Variants in CPAMD8 observed in about 807,000 individuals in gnomAD.
CPAMD8 encodes C3 and PZP-like alpha-2-macroglobulin domain-containing protein 8.
In CPAMD8, 146 loss-of-function variants were observed where a neutral mutation model predicts 224.7. The observed-to-expected ratio is 0.65, with a 90% CI of 0.57 to 0.75. CPAMD8 has a LOEUF of 0.75. Among genes scored for constraint, CPAMD8 ranks in the 30% least tolerant of loss-of-function variants. The pLI, the probability that CPAMD8 is intolerant of heterozygous loss-of-function variation, is 0.00. For missense variants in CPAMD8, 2,301 were observed against 2,537.5 expected, an observed-to-expected ratio of 0.91 and a Z score of 2.00; for synonymous variants, 966 against 1,044.6, an observed-to-expected ratio of 0.92 and a Z score of 1.45.
intron 13 of CPAMD8, among the ~76,000 whole-genome samples, chr19:16,984,335 A>G (rs1409564901): frequency 2.8e-5 from 4 of 143,514 alleles, no homozygotes; most frequent in Non-Finnish European, 6.0e-5. Flanking sequence ...AAAAAAAGAG[A>G]GAGAGAGAGA....
rs377227939 is a variant in CPAMD8, at chr19:16,952,204, C to A, written c.2277-4G>T. ...TGTCCCCTCACCAGATGGGTCACTG[C>A]GGAGAGACAGACAGCCATGATGGGG... On this transcript the variant is annotated splice_region_variant and splice_polypyrimidine_tract_variant and intron_variant, in intron 19 of 41. Coordinates refer to ENST00000443236, the MANE Select transcript of CPAMD8 (RefSeq NM_015692.5). 135 of 1,482,754 alleles carry A rather than the reference C, an allele frequency of 9.1e-5. No individual in the cohort carries two copies. Among genetic ancestry groups the A allele is most frequent in the Middle Eastern group, 2.0e-4 (1 of 4,948 alleles). 91.8% of individuals were successfully genotyped at this position (1,482,754 alleles called of 1,614,324 possible).
chr19:16,924,213 T>G (rs1313901679), intron 26 of CPAMD8, among the ~76,000 whole-genome samples: 3 of 150,942 alleles, frequency 2.0e-5, no homozygotes, highest in Non-Finnish European at 4.4e-5. Flanking sequence ...ACCCGGTTTG[T>G]GGCATTTTGT....
At chr19:17,002,494 G>T in intron 8 of CPAMD8, 144 bp from the exon 9 acceptor site, 1 of 575,108 alleles carries the variant, frequency 1.7e-6, no homozygotes. Context: ...CCACTCTGCT[G>T]AGCAGCCCTG....
chr19:16,933,544 C>CA (rs200141099), intron 23 of CPAMD8, among the ~76,000 whole-genome samples: 45 of 149,452 alleles, frequency 3.0e-4, no homozygotes, highest in Admixed American at 3.3e-4. Flanking sequence ...CGTTTTTCCA[C>CA]AAAAAAAAAG....
intron 15 of CPAMD8, among the ~76,000 whole-genome samples, 193 bp from the exon 16 acceptor site, chr19:16,976,344 C>A (rs1181073859): frequency 6.6e-6 from 1 of 151,974 alleles, no homozygotes; most frequent in African/African-American, 2.4e-5. Context: ...GGCATGGTGG[C>A]AGGTGCCTGT....
chr19:16,995,408 GT>G (rs1427038534), intron 11 of CPAMD8, among the ~76,000 whole-genome samples: 1 of 150,060 alleles, frequency 6.7e-6, no homozygotes, highest in Admixed American at 6.6e-5. Context: ...TTTGTTTTTT[GT>G]TTTTTTATTT....
chr19:16,969,479 A>G (rs909916218), intron 18 of CPAMD8, among the ~76,000 whole-genome samples: 9 of 152,154 alleles, frequency 5.9e-5, no homozygotes, highest in Admixed American at 3.3e-4. Flanking sequence ...CTGAAAATTC[A>G]TATGTTCAAA....
At chr19:16,998,028 G>A (rs149777002) in intron 10 of CPAMD8, among the ~76,000 whole-genome samples, 21 of 152,330 alleles carry the variant, frequency 1.4e-4, no homozygotes, top group African/African-American at 3.8e-4. Flanking sequence ...AAATTACTCC[G>A]TAAATGAGAG....
intron 9 of CPAMD8, 29 bp downstream of exon 9, chr19:17,002,237 A>T: frequency 6.9e-7 from 1 of 1,443,044 alleles, no homozygotes; most frequent in Non-Finnish European, 9.6e-7. Flanking sequence ...GGGCCCCCCC[A>T]GTGTGCCCCA....
At position 16,896,479 on chromosome 19, in the gene CPAMD8, G is replaced by A; in HGVS notation, c.5252C>T (p.Ala1751Val). 2.1e-6 allele frequency: 3 copies of A among 1,441,974 alleles called. No individual in the cohort carries two copies. The highest frequency in any genetic ancestry group is 2.7e-6 in the Non-Finnish European group (3 of 1,106,246). 89.3% of individuals were successfully genotyped at this position (1,441,974 alleles called of 1,614,324 possible). Residue 1751 changes from alanine to valine, a missense_variant, in exon 40 of 42, where the codon GCG becomes GTG. Ala to Val is a moderately conservative substitution (Grantham distance 64). Coordinates refer to ENST00000443236, the MANE Select transcript of CPAMD8 (RefSeq NM_015692.5). ...ACRQAAPLEPAPPSCCALEQR... is the reference protein window; with the variant it reads ...ACRQAAPLEPVPPSCCALEQR... ...ACCGAGGGCGCAGCAGCTGGGAGGC[G>A]CGGGCTCCAGGGGCGCGGCCTGGCG...
intron 35 of CPAMD8, among the ~76,000 whole-genome samples, chr19:16,902,201 T>C (rs1224348150): frequency 1.2e-4 from 18 of 151,748 alleles, no homozygotes; most frequent in Non-Finnish European, 5.9e-5. Context: ...GTCTTCTGTG[T>C]CCATTTGCTT....
In CPAMD8 at chr19:17,011,584, C is replaced by T. The variant is rs199698519; in HGVS notation, c.433+8G>A. The T allele has an allele frequency of 1.5e-4, 241 of 1,614,194 alleles. No homozygotes were observed. The African/African-American group carries it at 2.1e-3, about 14-fold the overall frequency. On this transcript the variant is annotated splice_region_variant and intron_variant, in intron 4 of 41. Coordinates refer to ENST00000443236, the MANE Select transcript of CPAMD8 (RefSeq NM_015692.5). Reference sequence around the variant, plus strand: ...CCGGCCCTCCCTGCATCCATGCTGGCCACTCACCTCGGTGCTGGGGTCTGT... The same window carrying T: ...CCGGCCCTCCCTGCATCCATGCTGGTCACTCACCTCGGTGCTGGGGTCTGT...
chr19:16,974,217 C>T (rs1014533701), intron 17 of CPAMD8, among the ~76,000 whole-genome samples: 14 of 151,868 alleles, frequency 9.2e-5, no homozygotes, highest in Non-Finnish European at 1.6e-4. Flanking sequence ...CTGCAAGCTC[C>T]GCCTCCCAGG....
intron 19 of CPAMD8, 36 bp from the exon 20 acceptor site, chr19:16,952,236 T>C: frequency 5.0e-6 from 6 of 1,211,950 alleles, no homozygotes; most frequent in Non-Finnish European, 7.1e-6. Flanking sequence ...GGGGGGCCCT[T>C]CTCCAGGGCC....
Position 16,896,455 on chromosome 19 carries a change from C to T in CPAMD8, c.5275+1G>A. ...GGCTAGGCGGGGGGTAGGGTCCTCACCGAGGGCGCAGCAGCTGGGAGGCGC... is the reference window on the plus strand; with the variant it reads ...GGCTAGGCGGGGGGTAGGGTCCTCATCGAGGGCGCAGCAGCTGGGAGGCGC... On this transcript the variant is annotated splice_donor_variant, in intron 40 of 41. Transcript: ENST00000443236. LOFTEE classifies it high-confidence loss of function. 1.4e-6 allele frequency: 2 copies of T among 1,451,264 alleles called. No homozygotes were observed. Among genetic ancestry groups the T allele is most frequent in the Non-Finnish European group, 1.8e-6 (2 of 1,108,818 alleles). The allele number at this position is 1,451,264 out of a possible 1,614,324, so 89.9% of individuals were successfully genotyped here.
chr19:17,000,208 CT>C, intron 10 of CPAMD8: 1 of 440,426 alleles, frequency 2.3e-6, no homozygotes, highest in Non-Finnish European at 4.0e-6. Flanking sequence ...CATCCCAGCA[CT>C]TTTGGGGGCA....
chr19:16,940,928 A>G (rs1387031598), intron 22 of CPAMD8, among the ~76,000 whole-genome samples: 1 of 152,070 alleles, frequency 6.6e-6, no homozygotes, highest in Admixed American at 6.5e-5. Flanking sequence ...AACCCACGGT[A>G]GTTTTTTGTT....
chr19:16,925,940 TAGTAGAGAC>T (rs2053343805), intron 25 of CPAMD8, among the ~76,000 whole-genome samples: 1 of 151,948 alleles, frequency 6.6e-6, no homozygotes, highest in African/African-American at 2.4e-5. Flanking sequence ...TTTATTTTTT[TAGTAGAGAC>T]AGGGTTTCAT....
chr19:16,929,314 G>A, intron 23 of CPAMD8, 74 bp from the exon 24 acceptor site: 2 of 1,266,442 alleles, frequency 1.6e-6, no homozygotes, highest in South Asian at 1.3e-5. Flanking sequence ...GGTACCTGGA[G>A]GTGAGCACCA....
Sources: gnomAD v4.1 joint callset for allele counts (sites outside exome capture counted in the v4.1 genomes callset) on GRCh38, gnomAD v4.1.1 for gene constraint, MANE v1.5 for transcripts, NCBI Gene and HGNC (gene_info 2026-07-23, HGNC 2026-07-21) for gene names.